AK8: variants seen among roughly 807,000 people sequenced by gnomAD.
AK8 encodes adenylate kinase 8.
Under a neutral mutation model 54.6 loss-of-function variants are expected in AK8, and 44 were observed. The ratio of observed to expected loss-of-function variants is 0.81; its 90% CI spans 0.63 to 1.04. The LOEUF (loss-of-function observed/expected upper bound fraction) is 1.04. Among genes scored for constraint, AK8 ranks in the 50% least tolerant of loss-of-function variants. The pLI is 0.00. For missense variants in AK8, 555 were observed against 613.6 expected, an observed-to-expected ratio of 0.90 and a Z score of 1.01; for synonymous variants, 239 against 245.6, an observed-to-expected ratio of 0.97 and a Z score of 0.25.
intron 5 of AK8, among the ~76,000 whole-genome samples, chr9:132,847,316 C>T (rs1021960492): frequency 3.3e-5 from 5 of 152,206 alleles, no homozygotes; most frequent in Middle Eastern, 3.2e-3. Context: ...CAGACCGTGG[C>T]GCCATCTCCA....
chr9:132,876,128 C>T (rs1017044049), intron 1 of AK8, among the ~76,000 whole-genome samples: 1 of 151,972 alleles, frequency 6.6e-6, no homozygotes, highest in East Asian at 1.9e-4. Flanking sequence ...GAAAGAGCAC[C>T]GAGCCATGAG....
intron 11 of AK8, among the ~76,000 whole-genome samples, chr9:132,754,675 C>T (rs1322981918): frequency 6.6e-6 from 1 of 152,200 alleles, no homozygotes; most frequent in Non-Finnish European, 1.5e-5. Context: ...CTCCTCCTCT[C>T]CCTCCCCTAG....
At chr9:132,792,087 G>A (rs1003776421) in intron 11 of AK8, among the ~76,000 whole-genome samples, 1 of 152,208 alleles carries the variant, frequency 6.6e-6, no homozygotes, top group Admixed American at 6.5e-5. Context: ...GCTATTGCAA[G>A]CTCAGACTAA....
chr9:132,857,540 C>T (rs550497487), intron 4 of AK8, among the ~76,000 whole-genome samples: 1 of 152,264 alleles, frequency 6.6e-6, no homozygotes, highest in East Asian at 1.9e-4. Context: ...CTCTCCCCTC[C>T]CATCCCCTTT....
At position 132,826,384 on chromosome 9, in the gene AK8, CG is replaced by C. The variant is rs1841870604; in HGVS notation, c.757+469del. 6.6e-6 allele frequency among the ~76,000 whole-genome samples: 1 copy of C among 152,200 alleles called. No homozygotes were observed. Among genetic ancestry groups the C allele is most frequent in the African/African-American group, 2.4e-5 (1 of 41,436 alleles). The stretch of plus-strand genomic sequence containing the variant: ...GTGGACAGCAACGCAGTGCCAGGCG[CG>C]GGGCCATGTATCTCCATCCTAAATG... On this transcript the variant is annotated intron_variant, in intron 8 of 12. Coordinates refer to ENST00000298545, the MANE Select transcript of AK8 (RefSeq NM_152572.3). This position sits in a 1 kb window ranked among gnomAD's most constrained non-coding sequence, Gnocchi z 4.5.
intron 10 of AK8, among the ~76,000 whole-genome samples, chr9:132,794,188 T>G (rs968953210): frequency 6.6e-6 from 1 of 151,980 alleles, no homozygotes; most frequent in Non-Finnish European, 1.5e-5. Flanking sequence ...CAGAAAAGGG[T>G]TTTTGCTTTA....
At position 132,733,376 on chromosome 9, in the gene AK8, G is replaced by A. The variant is rs112932981; in HGVS notation, c.1122-5842C>T. 6.4e-3 allele frequency among the ~76,000 whole-genome samples: 973 copies of A among 152,304 alleles called. 13 individuals carry two copies. The highest frequency in any genetic ancestry group is 0.022 in the African/African-American group (910 of 41,548). On this transcript the variant is annotated intron_variant, in intron 11 of 12. Transcript: ENST00000298545. ...AACACCAAAACACGGCTGTCACGGC[G>A]GCTGGCGGCTCTGGATGCCGACGCC...
intron 11 of AK8, among the ~76,000 whole-genome samples, chr9:132,776,400 T>C (rs1211083253): frequency 6.6e-6 from 1 of 152,216 alleles, no homozygotes; most frequent in African/African-American, 2.4e-5. Flanking sequence ...TCGCTTTTGC[T>C]ACAACAAAGC....
rs538254562 is a variant in AK8 at position 132,743,234 on chromosome 9, C to T, written c.1122-15700G>A. ...GGGGGCCCACCCACGTGCCTCTGCT[C>T]GCGACCTGACCTGCCGTCGGGCGGC... On this transcript the variant is annotated intron_variant, in intron 11 of 12. Transcript: ENST00000298545. Among the ~76,000 whole-genome samples, 7 of 152,368 alleles carry T rather than the reference C, an allele frequency of 4.6e-5. No homozygotes were observed. In the South Asian group the frequency reaches 1.0e-3, roughly 23 times the overall value.
At chr9:132,752,722 C>T (rs1394946185) in intron 11 of AK8, among the ~76,000 whole-genome samples, 1 of 140,166 alleles carries the variant, frequency 7.1e-6, no homozygotes, top group Non-Finnish European at 1.5e-5. Flanking sequence ...TGGCTGCCCC[C>T]CACCCACCCC....
chr9:132,756,448 TTTC>T (rs1301902299), intron 11 of AK8, among the ~76,000 whole-genome samples: 1 of 152,100 alleles, frequency 6.6e-6, no homozygotes, highest in Non-Finnish European at 1.5e-5. Flanking sequence ...TGCGAAGCAG[TTTC>T]TTAAGTGATC....
intron 2 of AK8, 107 bp downstream of exon 2, chr9:132,875,008 G>A (rs1051486313): frequency 7.1e-7 from 1 of 1,414,752 alleles, no homozygotes; most frequent in African/African-American, 1.4e-5. Context: ...ATGGGGCAGG[G>A]TTCCTGGAGA....
In AK8 at chr9:132,828,628, C is replaced by A. The variant is rs768649100; in HGVS notation, c.484+17G>T. 2 of 1,607,048 alleles carry A rather than the reference C, an allele frequency of 1.2e-6. No individual in the cohort carries two copies. Among genetic ancestry groups the A allele is most frequent in the East Asian group, 2.2e-5 (1 of 44,768 alleles). The stretch of plus-strand genomic sequence containing the variant: ...GCTGCAGCTCTGGCAGGTGGGGGAC[C>A]CTTGGGAGCTACTCACTGACGTGTC... On this transcript the variant is annotated intron_variant, in intron 6 of 12. Transcript: ENST00000298545.
rs1230952455 is a variant in AK8, at chr9:132,781,937, CAG to C, written c.1121+10695_1121+10696del. ...GCTAAGGTGCTGGAGATGGAAGAGA[CAG>C]AGATGAGAAAGGAGGAAGGAAAATA... On this transcript the variant is annotated intron_variant, in intron 11 of 12. Coordinates refer to ENST00000298545, the MANE Select transcript of AK8 (RefSeq NM_152572.3). This position sits in a 1 kb window ranked among gnomAD's most constrained non-coding sequence, Gnocchi z 4.6. 2.0e-5 allele frequency among the ~76,000 whole-genome samples: 3 copies of C among 152,106 alleles called. No homozygotes were observed. The highest frequency in any genetic ancestry group is 7.2e-5 in the African/African-American group (3 of 41,398).
intron 5 of AK8, among the ~76,000 whole-genome samples, chr9:132,830,165 C>G (rs1279691304): frequency 6.6e-6 from 1 of 152,182 alleles, no homozygotes; most frequent in African/African-American, 2.4e-5. Context: ...GTTTTCACAG[C>G]TGCCTGGTAT....
intron 11 of AK8, among the ~76,000 whole-genome samples, chr9:132,760,783 T>G (rs1211101574): frequency 1.3e-5 from 2 of 152,220 alleles, no homozygotes; most frequent in Non-Finnish European, 2.9e-5. Flanking sequence ...AAATCATGAA[T>G]AGATATTTAA....
intron 2 of AK8, among the ~76,000 whole-genome samples, chr9:132,871,828 G>A (rs1254771418): frequency 6.6e-6 from 1 of 152,256 alleles, no homozygotes; most frequent in Non-Finnish European, 1.5e-5. Flanking sequence ...TGGCTGTCCA[G>A]CCAACATCAA....
chr9:132,878,387 G>C (rs1481437207), upstream of AK8: 17 of 1,244,928 alleles, frequency 1.4e-5, no homozygotes, highest in South Asian at 6.6e-4. The surrounding 1 kb of genome is among the most constrained non-coding windows in gnomAD (Gnocchi z 4.7). Context: ...CCTCGGTCGC[G>C]CGGGTCGCCC....
At chr9:132,841,407 T>C (rs1228979092) in intron 5 of AK8, among the ~76,000 whole-genome samples, 2 of 152,254 alleles carry the variant, frequency 1.3e-5, no homozygotes, top group Non-Finnish European at 2.9e-5. Flanking sequence ...AAGTCTTTCC[T>C]TTGCCCCCTG....
Sources: gnomAD v4.1 joint callset for allele counts (sites outside exome capture counted in the v4.1 genomes callset) on GRCh38, gnomAD v4.1.1 for gene constraint, Gnocchi (gnomAD v3.1) non-coding constraint, MANE v1.5 for transcripts, NCBI Gene and HGNC (gene_info 2026-07-23, HGNC 2026-07-21) for gene names.